COQ8A: variants seen among roughly 807,000 people sequenced by gnomAD.
COQ8A encodes coenzyme Q8A.
COQ8A carries 51 observed loss-of-function variants against 65.0 expected under a neutral mutation model. That is an observed-to-expected ratio of 0.78 (90% CI 0.63 to 0.99). The LOEUF (loss-of-function observed/expected upper bound fraction) is 0.99. Among genes scored for constraint, COQ8A ranks in the 50% least tolerant of loss-of-function variants. The pLI, the probability that COQ8A is intolerant of heterozygous loss-of-function variation, is 0.00. For missense variants in COQ8A, 940 were observed against 875.0 expected (o/e 1.07, Z -0.94); for synonymous variants, 371 against 353.2 (o/e 1.05, Z -0.57).
intron 14 of COQ8A, 32 bp downstream of exon 14, chr1:226,985,372 T>C: frequency 6.2e-7 from 1 of 1,603,744 alleles, no homozygotes; most frequent in Non-Finnish European, 8.5e-7. Flanking sequence ...CCCCTGGGCC[T>C]GCTGACCCAG....
At chr1:226,984,684 C>A in intron 12 of COQ8A, 29 bp downstream of exon 12, 1 of 1,597,436 alleles carries the variant, frequency 6.3e-7, no homozygotes, top group Non-Finnish European at 8.6e-7. Flanking sequence ...GCACCCGCAG[C>A]CAGGCCTGAG....
intron 4 of COQ8A, among the ~76,000 whole-genome samples, chr1:226,968,408 A>G (rs1658686585): frequency 6.6e-6 from 1 of 152,244 alleles, no homozygotes; most frequent in Admixed American, 6.5e-5. Flanking sequence ...ACAATGAACT[A>G]TACACATGGC....
rs1473789908 is a variant in COQ8A at position 226,971,339 on chromosome 1, TC to T, written c.655+5603del. ...AGGTCAGGGTGGGTGGATCATGAGGTCAAGAGATCGAGACGATCCTGGCTAA... is the reference window on the plus strand; with the variant it reads ...AGGTCAGGGTGGGTGGATCATGAGGTAAGAGATCGAGACGATCCTGGCTAA... On this transcript the variant is annotated intron_variant, in intron 4 of 14. Coordinates refer to ENST00000366777, the MANE Select transcript of COQ8A (RefSeq NM_020247.5). 2.0e-5 allele frequency among the ~76,000 whole-genome samples: 3 copies of T among 151,928 alleles called. No individual in the cohort carries two copies. In the East Asian group the frequency reaches 5.9e-4, roughly 30 times the overall value.
chr1:226,942,753 G>A (rs1013185124), intron 1 of COQ8A, among the ~76,000 whole-genome samples: 1 of 152,196 alleles, frequency 6.6e-6, no homozygotes, highest in Non-Finnish European at 1.5e-5. Context: ...TTCTTTTGTA[G>A]TTGCTTGAAG....
At position 226,984,238 on chromosome 1, in the gene COQ8A, T is replaced by C. The variant is rs947460731; in HGVS notation, c.1398+3T>C. The C allele has an allele frequency of 5.0e-6, 8 of 1,613,326 alleles. No homozygotes were observed. Among genetic ancestry groups the C allele is most frequent in the South Asian group, 2.2e-5 (2 of 91,076 alleles). ...TCAGCCAGGAGATTCGGAACGAGGT[T>C]TGTCTGTGCCAGCAGACAGGTGGGG... On this transcript the variant is annotated splice_donor_region_variant and intron_variant, in intron 11 of 14. Coordinates refer to ENST00000366777, the MANE Select transcript of COQ8A (RefSeq NM_020247.5).
intron 1 of COQ8A, 28 bp downstream of exon 1, chr1:226,940,427 C>A (rs1344102118): frequency 6.6e-6 from 1 of 152,338 alleles, no homozygotes; most frequent in East Asian, 1.9e-4. Flanking sequence ...CGGCCCGCCG[C>A]GTGCCCAGGC....
intron 1 of COQ8A, among the ~76,000 whole-genome samples, chr1:226,956,170 GTTCCCGCTCTCCCTGA>G (rs1657735439): frequency 3.0e-5 from 4 of 133,586 alleles, no homozygotes; most frequent in Admixed American, 2.2e-4. Flanking sequence ...ACTCTCCCTG[GTTCCCGCTCTCCCTGA>G]TTCACACTCT....
intron 2 of COQ8A, among the ~76,000 whole-genome samples, chr1:226,962,379 C>T (rs958089541): frequency 6.6e-6 from 1 of 152,202 alleles, no homozygotes; most frequent in Non-Finnish European, 1.5e-5. Context: ...TCAGTGAAAT[C>T]GTGTGCTGGA....
At chr1:226,953,051 A>T (rs1657481019) in intron 1 of COQ8A, among the ~76,000 whole-genome samples, 1 of 151,992 alleles carries the variant, frequency 6.6e-6, no homozygotes, top group Non-Finnish European at 1.5e-5. Context: ...ATTTTTTGAG[A>T]TGGAGTCTGG....
chr1:226,981,758 G>A (rs1181992046), intron 5 of COQ8A, among the ~76,000 whole-genome samples: 1 of 152,224 alleles, frequency 6.6e-6, no homozygotes, highest in Non-Finnish European at 1.5e-5. Flanking sequence ...ATATGGAAGG[G>A]AGAGGCCCTT....
rs778762934 is a variant in COQ8A at position 226,949,991 on chromosome 1, C to T, written c.-10+9592C>T. 3.9e-5 allele frequency among the ~76,000 whole-genome samples: 6 copies of T among 152,168 alleles called. No homozygotes were observed. The highest frequency in any genetic ancestry group is 8.8e-5 in the Non-Finnish European group (6 of 68,034). Reference sequence around the variant, plus strand: ...CATGTCACCAGTATCACTTCCTGAGCCAAATATTTTAATTTAAATGTTTTA... The same window carrying T: ...CATGTCACCAGTATCACTTCCTGAGTCAAATATTTTAATTTAAATGTTTTA... On this transcript the variant is annotated intron_variant, in intron 1 of 14. Transcript: ENST00000366777. This position sits in a 1 kb window ranked among gnomAD's most constrained non-coding sequence, Gnocchi z 4.0.
chr1:226,984,128 C>T lies in COQ8A; in HGVS notation c.1291C>T (p.Pro431Ser). 1 of 1,613,790 alleles carries T rather than the reference C, an allele frequency of 6.2e-7. No homozygotes were observed. Among genetic ancestry groups the T allele is most frequent in the Non-Finnish European group, 8.5e-7 (1 of 1,179,996 alleles). ...GAAGGGCCACCCCTTCTTCTATGTG[C>T]CTGAGATTGTGGATGAGCTCTGCAG... The part of the protein sequence containing the change: ...LLKGHPFFYV[P>S]EIVDELCSPH... The change falls in exon 11 of 15, where the codon CCT becomes TCT. Residue 431 changes from proline (P) to serine (S), a missense_variant. Transcript: ENST00000366777.
At position 226,982,033 on chromosome 1, in the gene COQ8A, A is replaced by C. The variant is rs756881280; in HGVS notation, c.737A>C (p.Lys246Thr). The change falls in exon 6 of 15, where the codon AAG becomes ACG. Residue 246 changes from lysine (K) to threonine (T), a missense_variant. Lys to Thr is a moderately conservative substitution (Grantham distance 78, BLOSUM62 -1). Transcript: ENST00000366777. ...SLRSEDPSGK[K>T]AVLGSSPFLS... ...CCCTCTTGCCCGCCCACAGGGAAGA[A>C]GGCCGTGCTGGGTTCCAGTCCTTTC... The C allele has an allele frequency of 6.2e-7, 1 of 1,612,768 alleles. No individual in the cohort carries two copies. Among genetic ancestry groups the C allele is most frequent in the African/African-American group, 1.3e-5 (1 of 74,920 alleles).
At chr1:226,977,902 C>T (rs910810946) in intron 5 of COQ8A, among the ~76,000 whole-genome samples, 13 of 149,428 alleles carry the variant, frequency 8.7e-5, no homozygotes, top group Non-Finnish European at 1.5e-4. Flanking sequence ...CCACACCCAG[C>T]GAACACGCGC....
intron 1 of COQ8A, among the ~76,000 whole-genome samples, chr1:226,942,102 A>G (rs1204592012): frequency 2.0e-4 from 30 of 151,996 alleles, no homozygotes; most frequent in Admixed American, 2.0e-3. Context: ...TGTGACCATC[A>G]AAAGTGTTTC....
rs536953524 is a variant in COQ8A at position 226,946,231 on chromosome 1, A to G, written c.-10+5832A>G. ...ACACAGAGTCATACAGGGCATGGCG[A>G]GGTGACCTTAGGCCATTAAGAGATG... is the stretch of plus-strand genomic sequence containing the variant. On this transcript the variant is annotated intron_variant, in intron 1 of 14. Transcript: ENST00000366777. This position sits in a 1 kb window ranked among gnomAD's most constrained non-coding sequence, Gnocchi z 5.3. Among the ~76,000 whole-genome samples, 1 of 152,310 alleles carries G rather than the reference A, an allele frequency of 6.6e-6. No homozygotes were observed. Among genetic ancestry groups the G allele is most frequent in the East Asian group, 1.9e-4 (1 of 5,176 alleles).
rs76213739 is a variant in COQ8A, at chr1:226,982,305, G to A, written c.853+156G>A. 4.5e-3 allele frequency: 5,188 copies of A among 1,150,946 alleles called. 174 individuals carry two copies. The African/African-American group carries it at 0.07, about 16-fold the overall frequency. The allele number at this position is 1,150,946 out of a possible 1,614,324, so 71.3% of individuals were successfully genotyped here. On this transcript the variant is annotated intron_variant, in intron 6 of 14. Coordinates refer to ENST00000366777, the MANE Select transcript of COQ8A (RefSeq NM_020247.5). ...AAGATAATAGGCCTGGTCTCCAGACGGGTGGCTCTGGGTCCAAAGAAACAC... is the reference window on the plus strand; with the variant it reads ...AAGATAATAGGCCTGGTCTCCAGACAGGTGGCTCTGGGTCCAAAGAAACAC...
intron 6 of COQ8A, 136 bp from the exon 7 acceptor site, chr1:226,982,542 C>T: frequency 1.0e-6 from 1 of 965,458 alleles, no homozygotes; most frequent in South Asian, 1.3e-5. Flanking sequence ...TGCGAGGGCT[C>T]CTGTCTTTCT....
rs559262092 is a variant in COQ8A, at chr1:226,953,851, A to G, written c.-9-7526A>G. On this transcript the variant is annotated intron_variant, in intron 1 of 14. Transcript: ENST00000366777. ...TCATAAAGACTGAGGTGAAGGTTAC[A>G]TCTAAAGAGACTCATGGAGTTTGGT... Among the ~76,000 whole-genome samples, 15 of 152,384 alleles carry G rather than the reference A, an allele frequency of 9.8e-5. No individual in the cohort carries two copies. The South Asian group carries it at 3.1e-3, about 32-fold the overall frequency.
Sources: allele counts gnomAD v4.1 joint callset (sites outside exome capture counted in the v4.1 genomes callset), GRCh38; gene constraint gnomAD v4.1.1; non-coding constraint Gnocchi (gnomAD v3.1); transcripts MANE v1.5; gene names NCBI Gene and HGNC (gene_info 2026-07-23, HGNC 2026-07-21).